N4BP2: variants seen among roughly 807,000 people sequenced by gnomAD.
N4BP2 encodes NEDD4-binding protein 2.
N4BP2 carries 91 observed loss-of-function variants against 152.8 expected under a neutral mutation model. That is an observed-to-expected ratio of 0.60 (90% CI 0.50 to 0.71). N4BP2 has a LOEUF of 0.71. Ranked by LOEUF, N4BP2 falls within the 30% of genes least tolerant of loss-of-function variation. The pLI is 0.00. For missense variants in N4BP2, 1,923 were observed against 2,059.1 expected, an observed-to-expected ratio of 0.93 and a Z score of 1.28; for synonymous variants, 646 against 705.3, an observed-to-expected ratio of 0.92 and a Z score of 1.33.
In N4BP2 at chr4:40,152,807, A is replaced by G. The variant is rs542948208; in HGVS notation, c.5171A>G (p.Tyr1724Cys). ...EEFKQNGGKP[Y>C]LSVITGRGNH... ...TTTAAGCAGAACGGTGGGAAGCCCT[A>G]TTTGTCTGTGATTACGGGGAGAGGA... is the stretch of plus-strand genomic sequence containing the variant. The change falls in exon 17 of 18, where the codon TAT becomes TGT. Residue 1724 changes from tyrosine (Y) to cysteine (C), a missense_variant. Tyr to Cys is a radical substitution (Grantham distance 194). Coordinates refer to ENST00000261435, the MANE Select transcript of N4BP2 (RefSeq NM_018177.6). The G allele has an allele frequency of 1.1e-5, 18 of 1,613,940 alleles. No homozygotes were observed. The East Asian group carries it at 3.6e-4, about 32-fold the overall frequency.
intron 12 of N4BP2, among the ~76,000 whole-genome samples, chr4:40,126,851 G>A (rs902939507): frequency 1.3e-5 from 2 of 151,850 alleles, no homozygotes; most frequent in African/African-American, 4.8e-5. Flanking sequence ...TCCATCTTTC[G>A]GGTTCAAACG....
the N4BP2 span, among the ~76,000 whole-genome samples, chr4:40,171,388 A>G: frequency 6.6e-6 from 1 of 152,166 alleles, no homozygotes; most frequent in Non-Finnish European, 1.5e-5. Context: ...TTTGCTTCCC[A>G]GGGTAATGCT....
chr4:40,153,337 G>T (rs975111063), intron 17 of N4BP2, among the ~76,000 whole-genome samples: 1 of 152,156 alleles, frequency 6.6e-6, no homozygotes, highest in Non-Finnish European at 1.5e-5. Context: ...AGTATTTGTG[G>T]ATTTTGGATG....
chr4:40,057,351 C>T (rs997518106), intron 1 of N4BP2, among the ~76,000 whole-genome samples: 1 of 152,206 alleles, frequency 6.6e-6, no homozygotes. Context: ...CCAGACACAC[C>T]CCTCTCGACC....
chr4:40,106,703 C>T (rs963566595), intron 4 of N4BP2, among the ~76,000 whole-genome samples, 197 bp from the exon 5 acceptor site: 2 of 152,112 alleles, frequency 1.3e-5, no homozygotes, highest in African/African-American at 2.4e-5. Flanking sequence ...CGCATGCCAC[C>T]GTACCTGGCT....
At position 40,103,223 on chromosome 4, in the gene N4BP2, G is replaced by C. The variant is rs1715882016; in HGVS notation, c.1373+5G>C. The C allele has an allele frequency of 6.3e-7, 1 of 1,591,752 alleles. No individual in the cohort carries two copies. The highest frequency in any genetic ancestry group is 8.5e-7 in the Non-Finnish European group (1 of 1,171,290). On this transcript the variant is annotated splice_donor_5th_base_variant and intron_variant, in intron 4 of 17. Coordinates refer to ENST00000261435, the MANE Select transcript of N4BP2 (RefSeq NM_018177.6). ...TGGAAAATCTTTTTTGGCAAGGTATGAGGTTTGATTGGGTTTTTAAAAAAT... is the reference window on the plus strand; with the variant it reads ...TGGAAAATCTTTTTTGGCAAGGTATCAGGTTTGATTGGGTTTTTAAAAAAT...
downstream of N4BP2, among the ~76,000 whole-genome samples, chr4:40,162,770 G>T (rs1389699330): frequency 6.6e-6 from 1 of 152,168 alleles, no homozygotes; most frequent in Non-Finnish European, 1.5e-5. Context: ...TTTATCAGGA[G>T]AATTGGCTCC....
chr4:40,136,343 AATCTATCTATCTATCTATCTATCT>A (rs56276709), intron 13 of N4BP2, among the ~76,000 whole-genome samples: 7 of 136,610 alleles, frequency 5.1e-5, no homozygotes, highest in Admixed American at 3.0e-4. Flanking sequence ...TTAGAAATTG[AATCTATCTATCTATCTATCTATCT>A]ATCTATCTAT....
At chr4:40,085,913 C>T (rs956854081) in intron 2 of N4BP2, among the ~76,000 whole-genome samples, 2 of 151,914 alleles carry the variant, frequency 1.3e-5, no homozygotes, top group Non-Finnish European at 2.9e-5. Flanking sequence ...GTAATCCCAG[C>T]ACTTTGGGAG....
intron 2 of N4BP2, among the ~76,000 whole-genome samples, chr4:40,083,304 T>A (rs1713590948): frequency 6.6e-6 from 1 of 152,140 alleles, no homozygotes. Flanking sequence ...AACATAGAGT[T>A]ACCGTATGAA....
intron 1 of N4BP2, among the ~76,000 whole-genome samples, chr4:40,057,511 T>TC (rs1383202410): frequency 9.9e-5 from 15 of 152,280 alleles, no homozygotes; most frequent in Middle Eastern, 3.4e-3. Flanking sequence ...TTTACTCAGT[T>TC]CAAGTCCAGA....
chr4:40,126,346 A>T lies in N4BP2; in HGVS notation c.4527+16A>T, dbSNP rs1458924421. On this transcript the variant is annotated intron_variant, in intron 12 of 17. Transcript: ENST00000261435. The stretch of plus-strand genomic sequence containing the variant: ...ACATAATTTGGTATGAATTAATATA[A>T]ATATTAAGCTACTGTCTCTGATTCT... The T allele has an allele frequency of 8.0e-7, 1 of 1,255,716 alleles. No individual in the cohort carries two copies. Among genetic ancestry groups the T allele is most frequent in the Non-Finnish European group, 1.1e-6 (1 of 901,618 alleles). 77.8% of individuals were successfully genotyped at this position (1,255,716 alleles called of 1,614,324 possible). A position where few individuals can be genotyped will look rare whatever the true frequency, so the allele number is the denominator to read the frequency against.
chr4:40,075,106 G>A (rs1159465442), intron 2 of N4BP2, among the ~76,000 whole-genome samples: 1 of 151,998 alleles, frequency 6.6e-6, no homozygotes, highest in Non-Finnish European at 1.5e-5. Flanking sequence ...CCTGTTTTAT[G>A]TGTGGTACTA....
chr4:40,062,886 C>G lies in N4BP2; in HGVS notation c.-212+5856C>G, dbSNP rs191780370. 1.2e-4 allele frequency among the ~76,000 whole-genome samples: 18 copies of G among 152,290 alleles called. No homozygotes were observed. In the East Asian group the frequency reaches 3.5e-3, roughly 29 times the overall value. On this transcript the variant is annotated intron_variant, in intron 1 of 17. Transcript: ENST00000261435. ...AGTTACATGGGCCTCCTCTTTGTGTCCTTAGCACTCCATGTTCTTTTATTA... is the reference window on the plus strand; with the variant it reads ...AGTTACATGGGCCTCCTCTTTGTGTGCTTAGCACTCCATGTTCTTTTATTA...
downstream of N4BP2, among the ~76,000 whole-genome samples, chr4:40,160,710 G>A (rs146358001): frequency 2.0e-5 from 3 of 152,070 alleles, no homozygotes; most frequent in Non-Finnish European, 2.9e-5. Flanking sequence ...GGAGAGTTGG[G>A]GAAACAAAAG....
intron 1 of N4BP2, among the ~76,000 whole-genome samples, chr4:40,058,580 G>A (rs1453676667): frequency 6.6e-6 from 1 of 152,164 alleles, no homozygotes; most frequent in Non-Finnish European, 1.5e-5. Flanking sequence ...CACGCAGTAC[G>A]TACGAATGCC....
chr4:40,070,974 G>A (rs539586567), intron 1 of N4BP2, among the ~76,000 whole-genome samples: 2 of 151,426 alleles, frequency 1.3e-5, no homozygotes, highest in South Asian at 2.1e-4. Context: ...ACAGGTGTCC[G>A]CCACCATGCC....
chr4:40,128,390 G>A (rs1409683526), intron 12 of N4BP2, among the ~76,000 whole-genome samples: 8 of 152,060 alleles, frequency 5.3e-5, no homozygotes, highest in Non-Finnish European at 4.4e-5. Flanking sequence ...AACTAAATTA[G>A]AAATATACTG....
chr4:40,062,828 T>C (rs1418343180), intron 1 of N4BP2, among the ~76,000 whole-genome samples: 1 of 152,182 alleles, frequency 6.6e-6, no homozygotes, highest in Non-Finnish European at 1.5e-5. Context: ...AGGTGGTAGC[T>C]CTAGGAGAAA....
Sources: allele counts gnomAD v4.1 joint callset (sites outside exome capture counted in the v4.1 genomes callset), GRCh38; gene constraint gnomAD v4.1.1; transcripts MANE v1.5; gene names NCBI Gene and HGNC (gene_info 2026-07-23, HGNC 2026-07-21).